Variants in HSPBAP1 observed in about 807,000 individuals in gnomAD.
HSPBAP1 encodes the protein HSPB1 associated protein 1, also known as HSPB1-associated protein 1.
In HSPBAP1, 27 loss-of-function variants were observed where a neutral mutation model predicts 45.2. That is an observed-to-expected ratio of 0.60 (90% CI 0.44 to 0.82). The LOEUF is 0.82. Ranked by LOEUF, HSPBAP1 falls within the 40% of genes least tolerant of loss-of-function variation. The pLI is 0.00. For missense variants in HSPBAP1, 510 were observed against 590.9 expected (o/e 0.86, Z 1.42); for synonymous variants, 204 against 202.7 (o/e 1.01, Z -0.06).
At chr3:122,767,858 G>A (rs181132678) in intron 3 of HSPBAP1, among the ~76,000 whole-genome samples, 1 of 152,204 alleles carries the variant, frequency 6.6e-6, no homozygotes, top group African/African-American at 2.4e-5. Flanking sequence ...GCAGAGAGGA[G>A]AAGGGGTGAA....
In HSPBAP1 at chr3:122,740,776, C is replaced by T; in HGVS notation, c.1036G>A (p.Ala346Thr). Residue 346 changes from alanine (A) to threonine (T), a missense_variant, in exon 8 of 8, where the codon GCA becomes ACA. Coordinates refer to ENST00000306103, the MANE Select transcript of HSPBAP1 (RefSeq NM_024610.6). ...CRTSEVVEIQALRTDGEHMKK... is the reference protein window; with the variant it reads ...CRTSEVVEIQTLRTDGEHMKK... Reference sequence around the variant, plus strand: ...ATGTGCTCTCCATCTGTTCTCAGTGCTTGGATTTCTACTACCTCAGATGTT... The same window carrying T: ...ATGTGCTCTCCATCTGTTCTCAGTGTTTGGATTTCTACTACCTCAGATGTT... 9 of 1,614,064 alleles carry T rather than the reference C, an allele frequency of 5.6e-6. No individual in the cohort carries two copies. The highest frequency in any genetic ancestry group is 7.6e-6 in the Non-Finnish European group (9 of 1,180,036).
At chr3:122,749,165 T>C (rs1291702430) in intron 6 of HSPBAP1, among the ~76,000 whole-genome samples, 1 of 151,634 alleles carries the variant, frequency 6.6e-6, no homozygotes, top group Non-Finnish European at 1.5e-5. Context: ...TATATAGATA[T>C]AGATATATAT....
intron 3 of HSPBAP1, among the ~76,000 whole-genome samples, chr3:122,760,194 G>A (rs1207577708): frequency 2.6e-5 from 4 of 152,056 alleles, no homozygotes; most frequent in Non-Finnish European, 4.4e-5. Context: ...AGCCGATGGC[G>A]CATTTGCAGC....
chr3:122,765,244 G>T (rs542664005), intron 3 of HSPBAP1, among the ~76,000 whole-genome samples: 2 of 152,064 alleles, frequency 1.3e-5, no homozygotes, highest in Non-Finnish European at 2.9e-5. Flanking sequence ...TTTATCCTTC[G>T]TAAGTTTTGG....
chr3:122,764,903 T>C (rs1934721378), intron 3 of HSPBAP1, among the ~76,000 whole-genome samples: 1 of 152,244 alleles, frequency 6.6e-6, no homozygotes, highest in African/African-American at 2.4e-5. Flanking sequence ...GTGATTTGAA[T>C]TGGCTACTGA....
intron 4 of HSPBAP1, among the ~76,000 whole-genome samples, chr3:122,756,018 A>G (rs1934343421): frequency 6.6e-6 from 1 of 152,222 alleles, no homozygotes; most frequent in African/African-American, 2.4e-5. Context: ...AATGTTTGTC[A>G]TTTAAAACAG....
rs560400192 is a variant in HSPBAP1 at position 122,759,359 on chromosome 3, T to A, written c.434A>T (p.Asp145Val). Residue 145 changes from aspartate to valine, a missense_variant and splice_region_variant, in exon 4 of 8, where the codon GAT (aspartate) becomes GTT (valine). Coordinates refer to ENST00000306103, the MANE Select transcript of HSPBAP1 (RefSeq NM_024610.6). ...LFEDKTDLFQ[D>V]VKWSDFGFPG... ...AAACCCGAAGTCAGACCATTTCACA[T>A]CCTGTTTTGAAATAAAGTTGCAATC... 6.8e-5 allele frequency: 110 copies of A among 1,612,266 alleles called. 3 individuals carry two copies. The South Asian group carries it at 1.0e-3, about 15-fold the overall frequency.
At chr3:122,781,037 G>C in intron 1 of HSPBAP1, among the ~76,000 whole-genome samples, 1 of 150,944 alleles carries the variant, frequency 6.6e-6, no homozygotes, top group Non-Finnish European at 1.5e-5. Context: ...TAGATGGGAT[G>C]GCGGCCGGGC....
chr3:122,777,973 A>G, intron 1 of HSPBAP1, 67 bp from the exon 2 acceptor site: 2 of 998,234 alleles, frequency 2.0e-6, no homozygotes, highest in African/African-American at 1.6e-5. Context: ...ATATGGAGAA[A>G]AAATAGCTAA....
At chr3:122,772,071 T>A (rs561625721) in intron 2 of HSPBAP1, among the ~76,000 whole-genome samples, 1 of 152,336 alleles carries the variant, frequency 6.6e-6, no homozygotes, top group East Asian at 1.9e-4. Flanking sequence ...GCAAAAATAT[T>A]TCCTTCGTAA....
chr3:122,779,034 CTTTTTCTTTT>C (rs1185023900), intron 1 of HSPBAP1, among the ~76,000 whole-genome samples: 1 of 147,750 alleles, frequency 6.8e-6, no homozygotes, highest in Non-Finnish European at 1.5e-5. Flanking sequence ...CATTTTCTTT[CTTTTTCTTTT>C]TTTTTTGTGA....
At chr3:122,779,996 A>C (rs866462760) in intron 1 of HSPBAP1, among the ~76,000 whole-genome samples, 13 of 151,984 alleles carry the variant, frequency 8.6e-5, no homozygotes, top group African/African-American at 2.7e-4. Context: ...CATTGTCATC[A>C]TGGCCCGTTC....
chr3:122,759,339 C>T lies in HSPBAP1; in HGVS notation c.454G>A (p.Gly152Arg), dbSNP rs368626167. ...TCCTGTCCATTTCTTCCAGGAAACC[C>T]GAAGTCAGACCATTTCACATCCTGT... ...LFQDVKWSDF[G>R]FPGRNGQEST... Residue 152 changes from glycine (G) to arginine (R), a missense_variant, in exon 4 of 8, where the codon GGG (glycine) becomes AGG (arginine). Physicochemically the swap from Gly to Arg is moderately radical, Grantham distance 125. Transcript: ENST00000306103. The T allele has an allele frequency of 4.5e-5, 72 of 1,613,718 alleles. No homozygotes were observed. The highest frequency in any genetic ancestry group is 5.9e-5 in the Non-Finnish European group (70 of 1,179,814).
chr3:122,745,071 A>AAATC (rs1167776727), intron 6 of HSPBAP1, among the ~76,000 whole-genome samples: 8 of 152,188 alleles, frequency 5.3e-5, no homozygotes, highest in African/African-American at 1.9e-4. Flanking sequence ...ACTCAGCCGC[A>AAATC]AATCTAGCAT....
intron 1 of HSPBAP1, among the ~76,000 whole-genome samples, chr3:122,781,684 T>C (rs1387803147): frequency 6.6e-6 from 1 of 152,188 alleles, no homozygotes; most frequent in Non-Finnish European, 1.5e-5. Context: ...CTGTGTGTAC[T>C]TGATGTTTAG....
At chr3:122,777,928 G>A in intron 1 of HSPBAP1, 22 bp from the exon 2 acceptor site, 1 of 1,542,216 alleles carries the variant, frequency 6.5e-7, no homozygotes, top group Non-Finnish European at 8.9e-7. Context: ...AATGAATACA[G>A]CAATAGATAG....
intron 6 of HSPBAP1, among the ~76,000 whole-genome samples, chr3:122,746,602 GCTCTCTC>G (rs750201899): frequency 6.1e-4 from 92 of 151,542 alleles, no homozygotes; most frequent in Middle Eastern, 3.4e-3. Flanking sequence ...TTAGATCTCA[GCTCTCTC>G]CTCTCTCCTC....
At chr3:122,778,209 TTTTTTGTTG>T (rs1270879490) in intron 1 of HSPBAP1, among the ~76,000 whole-genome samples, 1 of 78,958 alleles carries the variant, frequency 1.3e-5, no homozygotes, top group African/African-American at 3.7e-5. Context: ...ACAGGTAGTT[TTTTTTGTTG>T]TTTTTTTTTT....
chr3:122,740,479 CA>C lies in HSPBAP1; in HGVS notation c.1332del (p.Ile444MetfsTer27), dbSNP rs775416382. On this transcript the variant is annotated frameshift_variant, in exon 8 of 8. Coordinates refer to ENST00000306103, the MANE Select transcript of HSPBAP1 (RefSeq NM_024610.6). LOFTEE classifies it high-confidence loss of function. ...QQIMSNSENA[I>X]EEQIASNTTT... ...GTAGTATTTGAGGCAATCTGTTCCT[CA>C]ATTGCATTTTCACTGTTGCTCATTA... 6 of 1,614,060 alleles carry C rather than the reference CA, an allele frequency of 3.7e-6. No homozygotes were observed. The highest frequency in any genetic ancestry group is 1.6e-4 in the Middle Eastern group (1 of 6,084).
Sources: allele counts gnomAD v4.1 joint callset (sites outside exome capture counted in the v4.1 genomes callset), GRCh38; gene constraint gnomAD v4.1.1; transcripts MANE v1.5; gene names NCBI Gene and HGNC (gene_info 2026-07-23, HGNC 2026-07-21).